Variants in C11orf65 observed in about 807,000 individuals in gnomAD.
C11orf65 encodes the protein chromosome 11 open reading frame 65, also known as protein MFI.
Under a neutral mutation model 35.3 loss-of-function variants are expected in C11orf65, and 38 were observed. That is an observed-to-expected ratio of 1.08 (90% CI 0.83 to 1.41). The LOEUF (loss-of-function observed/expected upper bound fraction) is 1.41. Ranked by LOEUF, C11orf65 falls within the 40% of genes most tolerant of loss-of-function variation. The probability of loss-of-function intolerance (pLI) is 0.00; values close to 1 mark genes in which losing one functional copy is unlikely to be tolerated. For missense variants in C11orf65, 370 were observed against 367.1 expected (o/e 1.01, Z -0.06); for synonymous variants, 105 against 114.4 (o/e 0.92, Z 0.53).
At chr11:108,358,393 T>C (rs1374118457) in intron 2 of C11orf65, among the ~76,000 whole-genome samples, 4 of 148,158 alleles carry the variant, frequency 2.7e-5, no homozygotes, top group South Asian at 2.2e-4. Flanking sequence ...CCAGGAGAAC[T>C]TCCCCAATCT....
At chr11:108,409,012 A>G (rs1010561229) in intron 3 of C11orf65, among the ~76,000 whole-genome samples, 5 of 152,170 alleles carry the variant, frequency 3.3e-5, no homozygotes, top group Admixed American at 3.3e-4. Flanking sequence ...TATTTGAGCC[A>G]TAATAATATA....
intron 6 of C11orf65, chr11:108,317,559 C>T (rs2084800621): frequency 1.3e-6 from 2 of 1,552,874 alleles, no homozygotes; most frequent in Non-Finnish European, 1.7e-6. Flanking sequence ...TTTTGCCTCT[C>T]TCCTCATTCT....
chr11:108,395,329 A>ATTT (rs761424830), intron 6 of C11orf65, among the ~76,000 whole-genome samples: 3 of 140,922 alleles, frequency 2.1e-5, no homozygotes, highest in Non-Finnish European at 3.1e-5. Context: ...TGTCTCTACA[A>ATTT]TTTTTTTTTT....
chr11:108,318,573 C>A (rs2084950323), intron 6 of C11orf65, among the ~76,000 whole-genome samples: 1 of 151,628 alleles, frequency 6.6e-6, no homozygotes, highest in Admixed American at 6.6e-5. Flanking sequence ...GCCTGTAATC[C>A]AAGCTACTCG....
rs1301658319 is a variant in C11orf65 at position 108,354,797 on chromosome 11, G to GTGTT, written c.227-19509_227-19506dup. ...GTGTAACAAAATCCGTATTTATAAT[G>GTGTT]TGTTTGACTCTAGATGCTGTGAGAA... On this transcript the variant is annotated intron_variant, in intron 2 of 3. Transcript: ENST00000524755. 1 of 1,609,968 alleles carries GTGTT rather than the reference G, an allele frequency of 6.2e-7. No homozygotes were observed.
chr11:108,320,023 A>G lies in C11orf65; in HGVS notation c.641-10952T>C, dbSNP rs2136221364. The G allele has an allele frequency of 6.2e-7, 1 of 1,610,096 alleles. No homozygotes were observed. The highest frequency in any genetic ancestry group is 1.1e-5 in the South Asian group (1 of 90,994). ...CTCTACAATCTCTAAGAGACAGAGAATTCTCTACATTTTATGAAAGTCTCA... is the reference window on the plus strand; with the variant it reads ...CTCTACAATCTCTAAGAGACAGAGAGTTCTCTACATTTTATGAAAGTCTCA... On this transcript the variant is annotated intron_variant, in intron 6 of 6. Transcript: ENST00000525729.
In C11orf65 at chr11:108,465,660, T is replaced by C. The variant is rs191833508; in HGVS notation, c.-10+1811A>G. ...AGGGAGCAGAAAAATGGGGTGTAGC[T>C]AGAGAGTGAGAATGGATTAAAGGTT... On this transcript the variant is annotated intron_variant, in intron 1 of 8. Transcript: ENST00000393084. Among the ~76,000 whole-genome samples, 106 of 151,010 alleles carry C rather than the reference T, an allele frequency of 7.0e-4. 1 individual carries two copies. Among genetic ancestry groups the C allele is most frequent in the African/African-American group, 2.4e-3 (100 of 41,156 alleles).
At chr11:108,328,908 T>C, downstream of C11orf65, 3 of 1,148,352 alleles carry the variant, frequency 2.6e-6, no homozygotes, top group Non-Finnish European at 3.8e-6. Context: ...ATAATTTAGC[T>C]AGCTTTTATA....
intron 3 of C11orf65, among the ~76,000 whole-genome samples, chr11:108,418,670 T>G (rs1287868922): frequency 6.6e-6 from 1 of 151,482 alleles, no homozygotes; most frequent in Non-Finnish European, 1.5e-5. Flanking sequence ...AATGATGAGG[T>G]AGGACACAAA....
At chr11:108,341,274 C>T (rs1034654206) in intron 2 of C11orf65, among the ~76,000 whole-genome samples, 1 of 152,096 alleles carries the variant, frequency 6.6e-6, no homozygotes, top group Non-Finnish European at 1.5e-5. Flanking sequence ...CCAGTCACTC[C>T]CTTACTTCAT....
intron 6 of C11orf65, among the ~76,000 whole-genome samples, chr11:108,402,311 T>C (rs1474733842): frequency 6.6e-6 from 1 of 152,188 alleles, no homozygotes; most frequent in Non-Finnish European, 1.5e-5. Context: ...TCAAGATTCT[T>C]AGCCTTGTGT....
chr11:108,334,021 T>C (rs2086571405), intron 3 of C11orf65: 2 of 1,366,398 alleles, frequency 1.5e-6, no homozygotes, highest in African/African-American at 1.4e-5. Flanking sequence ...TTTTATTAGA[T>C]TGAACCATTT....
In C11orf65 at chr11:108,448,183, A is replaced by G. The variant is rs1245426720; in HGVS notation, c.81+13296T>C. On this transcript the variant is annotated intron_variant, in intron 2 of 8. Coordinates refer to ENST00000393084, the MANE Select transcript of C11orf65 (RefSeq NM_152587.5). The stretch of plus-strand genomic sequence containing the variant: ...AAAAAGTCCAGGACCAGATGGATTC[A>G]CAGCTGAATTCTACCAGAGGTACAA... Among the ~76,000 whole-genome samples, 5 of 152,250 alleles carry G rather than the reference A, an allele frequency of 3.3e-5. No individual in the cohort carries two copies. In the East Asian group the frequency reaches 7.7e-4, roughly 23 times the overall value.
chr11:108,373,565 C>A (rs2091629618), intron 2 of C11orf65, among the ~76,000 whole-genome samples: 1 of 152,234 alleles, frequency 6.6e-6, no homozygotes, highest in African/African-American at 2.4e-5. Flanking sequence ...CAAATAGGAA[C>A]AGCTCCGGTC....
intron 2 of C11orf65, among the ~76,000 whole-genome samples, chr11:108,443,987 A>C (rs1464480191): frequency 3.3e-5 from 5 of 152,306 alleles, no homozygotes; most frequent in Middle Eastern, 6.8e-3. Flanking sequence ...AACTGAAAGA[A>C]ATAGAGACAC....
At chr11:108,371,032 T>G (rs1266994122) in intron 2 of C11orf65, among the ~76,000 whole-genome samples, 1 of 152,132 alleles carries the variant, frequency 6.6e-6, no homozygotes, top group African/African-American at 2.4e-5. Context: ...GCAATCAACA[T>G]AGACACATTG....
At chr11:108,393,059 C>A in intron 7 of C11orf65, 149 bp downstream of exon 7, 1 of 814,528 alleles carries the variant, frequency 1.2e-6, no homozygotes, top group Non-Finnish European at 1.9e-6. Context: ...ATGTCTTCTT[C>A]TGTTCTTTCT....
At position 108,337,527 on chromosome 11, in the gene C11orf65, A is replaced by G. The variant is rs369939793; in HGVS notation, c.227-2235T>C. 4.5e-4 allele frequency among the ~76,000 whole-genome samples: 69 copies of G among 152,334 alleles called. 1 individual carries two copies. Among genetic ancestry groups the G allele is most frequent in the African/African-American group, 1.5e-3 (63 of 41,574 alleles). On this transcript the variant is annotated intron_variant, in intron 2 of 3. Coordinates refer to the C11orf65 transcript ENST00000524755. Reference sequence around the variant, plus strand: ...CCATTCTTAGAATTTCTAATTCAGCAAGATTAGGGTAGAACCTGTGAATGT... The same window carrying G: ...CCATTCTTAGAATTTCTAATTCAGCGAGATTAGGGTAGAACCTGTGAATGT...
chr11:108,324,444 T>A (rs921122638), intron 6 of C11orf65, among the ~76,000 whole-genome samples: 5 of 152,146 alleles, frequency 3.3e-5, no homozygotes, highest in Non-Finnish European at 7.4e-5. Context: ...TAATATGATA[T>A]CATATCTAAT....
Sources: gnomAD v4.1 joint callset for allele counts (sites outside exome capture counted in the v4.1 genomes callset) on GRCh38, gnomAD v4.1.1 for gene constraint, MANE v1.5 for transcripts, NCBI Gene and HGNC (gene_info 2026-07-23, HGNC 2026-07-21) for gene names.